IGFL2: variants seen among roughly 807,000 people sequenced by gnomAD.
IGFL2 encodes the protein insulin growth factor-like family member 2.
In IGFL2, 7 loss-of-function variants were observed where a neutral mutation model predicts 13.9. The observed-to-expected ratio is 0.51, with a 90% CI of 0.29 to 0.95. The LOEUF is 0.95. Among genes scored for constraint, IGFL2 ranks in the 40% least tolerant of loss-of-function variants. IGFL2 has a pLI of 0.08. For missense variants in IGFL2, 138 were observed against 147.8 expected (o/e 0.93, Z 0.34); for synonymous variants, 55 against 55.8 (o/e 0.99, Z 0.07).
upstream of IGFL2, among the ~76,000 whole-genome samples, chr19:46,139,236 T>C (rs1323373573): frequency 2.0e-5 from 3 of 151,308 alleles, no homozygotes; most frequent in Non-Finnish European, 4.4e-5. Flanking sequence ...CTTTCGAAGA[T>C]CTGCTTGGTG....
the IGFL2 span, chr19:46,137,428 A>G: frequency 2.0e-6 from 2 of 1,022,662 alleles, no homozygotes; most frequent in Non-Finnish European, 3.1e-6. Context: ...AAGGATGGAC[A>G]TTGTAATGGT....
At chr19:46,154,745 A>G (rs1235778401) in intron 1 of IGFL2, among the ~76,000 whole-genome samples, 1 of 152,000 alleles carries the variant, frequency 6.6e-6, no homozygotes, top group Non-Finnish European at 1.5e-5. Context: ...CACTGCGCCC[A>G]GCTGGTCTTT....
At chr19:46,136,779 C>T in the IGFL2 span, 8 of 644,934 alleles carry the variant, frequency 1.2e-5, 1 homozygote, top group South Asian at 1.1e-4. Context: ...CTCTGTCTCT[C>T]CAACCCGTTT....
At chr19:46,156,581 C>T (rs1308182493) in intron 1 of IGFL2, among the ~76,000 whole-genome samples, 1 of 152,074 alleles carries the variant, frequency 6.6e-6, no homozygotes, top group East Asian at 1.9e-4. Flanking sequence ...ATTTTTAAAA[C>T]TATATTTAAC....
the IGFL2 span, among the ~76,000 whole-genome samples, chr19:46,087,746 C>T: frequency 2.6e-4 from 40 of 152,328 alleles, no homozygotes; most frequent in Middle Eastern, 6.8e-3. Flanking sequence ...ATGACTGCCC[C>T]TCTACTGATG....
At chr19:46,099,480 T>C in the IGFL2 span, among the ~76,000 whole-genome samples, 1 of 152,062 alleles carries the variant, frequency 6.6e-6, no homozygotes, top group South Asian at 2.1e-4. Flanking sequence ...GGTTTGGTCT[T>C]TTTACATAGT....
At chr19:46,118,322 A>G in the IGFL2 span, among the ~76,000 whole-genome samples, 1 of 152,184 alleles carries the variant, frequency 6.6e-6, no homozygotes, top group Non-Finnish European at 1.5e-5. Flanking sequence ...CAAATGGTCT[A>G]GGAGAGAATG....
chr19:46,179,750 T>G, the IGFL2 span, among the ~76,000 whole-genome samples: 1 of 152,098 alleles, frequency 6.6e-6, no homozygotes, highest in Non-Finnish European at 1.5e-5. Flanking sequence ...ACTCCATCTC[T>G]GCTGAAAACA....
the IGFL2 span, among the ~76,000 whole-genome samples, chr19:46,181,839 G>C: frequency 2.0e-5 from 3 of 152,120 alleles, no homozygotes; most frequent in African/African-American, 7.2e-5. Context: ...TTGGCTCTCT[G>C]GGCAGTGGGC....
At chr19:46,119,162 T>C in the IGFL2 span, among the ~76,000 whole-genome samples, 16 of 152,162 alleles carry the variant, frequency 1.1e-4, no homozygotes, top group East Asian at 2.9e-3. Context: ...AGGAACAGGG[T>C]AGACTAAGCT....
the IGFL2 span, among the ~76,000 whole-genome samples, chr19:46,089,274 G>T: frequency 6.6e-6 from 1 of 152,046 alleles, no homozygotes; most frequent in East Asian, 1.9e-4. Context: ...CACTTTTACT[G>T]CTCTGCACCT....
the IGFL2 span, among the ~76,000 whole-genome samples, chr19:46,102,296 A>G: frequency 6.6e-6 from 1 of 152,230 alleles, no homozygotes; most frequent in East Asian, 1.9e-4. Flanking sequence ...GTCCGAAAAG[A>G]GAGTCAGCAA....
chr19:46,128,898 G>A, the IGFL2 span, among the ~76,000 whole-genome samples: 1 of 152,044 alleles, frequency 6.6e-6, no homozygotes, highest in Admixed American at 6.5e-5. Flanking sequence ...TCAATTTTTT[G>A]GAATACTTTC....
the IGFL2 span, among the ~76,000 whole-genome samples, chr19:46,136,249 A>G: frequency 1.3e-5 from 2 of 152,094 alleles, no homozygotes; most frequent in South Asian, 2.1e-4. Context: ...TGGTCTCTTT[A>G]TATAGTCCCA....
At chr19:46,136,028 C>G in the IGFL2 span, among the ~76,000 whole-genome samples, 7 of 152,082 alleles carry the variant, frequency 4.6e-5, no homozygotes, top group Non-Finnish European at 7.4e-5. Context: ...AATATTTTTT[C>G]TTTATATTGA....
chr19:46,204,429 G>T, the IGFL2 span, among the ~76,000 whole-genome samples: 2 of 152,112 alleles, frequency 1.3e-5, no homozygotes, highest in Non-Finnish European at 2.9e-5. Flanking sequence ...GAGGGAATAG[G>T]GTGAGAAAAT....
At chr19:46,085,764 G>A in the IGFL2 span, among the ~76,000 whole-genome samples, 4 of 152,140 alleles carry the variant, frequency 2.6e-5, no homozygotes, top group African/African-American at 7.2e-5. Context: ...TGGTAATGGC[G>A]TTTTGTTTCC....
the IGFL2 span, among the ~76,000 whole-genome samples, chr19:46,194,830 T>TTATATATATATATATATATATATA: frequency 2.1e-5 from 1 of 46,780 alleles, no homozygotes; most frequent in African/African-American, 1.0e-4. Context: ...CTTCCTCATT[T>TTATATATATATATATATATATATA]TATATATATA....
At chr19:46,100,022 AT>A in the IGFL2 span, among the ~76,000 whole-genome samples, 1 of 152,062 alleles carries the variant, frequency 6.6e-6, no homozygotes, top group Admixed American at 6.6e-5. Context: ...AGCAGCTCCT[AT>A]GACCCTTTAT....
Sources: gnomAD v4.1 joint callset for allele counts (sites outside exome capture counted in the v4.1 genomes callset) on GRCh38, gnomAD v4.1.1 for gene constraint, MANE v1.5 for transcripts, NCBI Gene and HGNC (gene_info 2026-07-23, HGNC 2026-07-21) for gene names.